Variants in USPL1 observed in about 807,000 individuals in gnomAD.
The protein encoded by USPL1 is SUMO-specific isopeptidase USPL1.
A neutral mutation model predicts 51.5 loss-of-function variants in USPL1; 27 were observed. That is an observed-to-expected ratio of 0.52 (90% CI 0.39 to 0.72). The LOEUF is 0.72. Ranked by LOEUF, USPL1 falls within the 30% of genes least tolerant of loss-of-function variation. The pLI is 0.00. For missense variants in USPL1, 1,226 were observed against 1,268.0 expected (o/e 0.97, Z 0.50); for synonymous variants, 451 against 459.6 (o/e 0.98, Z 0.24).
In USPL1 at chr13:30,645,625, C is replaced by T. The variant is rs142436119; in HGVS notation, c.1113-1307C>T. Among the ~76,000 whole-genome samples the T allele has an allele frequency of 2.0e-5, 3 of 152,180 alleles. No homozygotes were observed. In the East Asian group the frequency reaches 5.8e-4, roughly 29 times the overall value. The stretch of plus-strand genomic sequence containing the variant: ...TATGTCATAACTTAAAACTTATTTC[C>T]ACTTAATCTGAAGGAGAACTGTCCA... On this transcript the variant is annotated intron_variant, in intron 6 of 8. Transcript: ENST00000255304.
chr13:30,633,993 T>C (rs1339321813), intron 4 of USPL1, among the ~76,000 whole-genome samples: 3 of 152,268 alleles, frequency 2.0e-5, no homozygotes, highest in South Asian at 4.1e-4. Flanking sequence ...CGCAGTTTCA[T>C]GGATAAGAGA....
chr13:30,657,507 C>T lies in USPL1; in HGVS notation c.1430C>T (p.Pro477Leu). The T allele has an allele frequency of 6.2e-7, 1 of 1,608,698 alleles. No individual in the cohort carries two copies. Among genetic ancestry groups the T allele is most frequent in the Non-Finnish European group, 8.5e-7 (1 of 1,178,066 alleles). ...SWLECDDLKGPCSERHKKFEV... is the reference protein window; with the variant it reads ...SWLECDDLKGLCSERHKKFEV... ...CTGGAATGTGATGACTTAAAAGGCC[C>T]ATGTTCTGAAAGGCACAAGAAATTT... is the stretch of plus-strand genomic sequence containing the variant. The change falls in exon 9 of 9, where the codon CCA (proline) becomes CTA (leucine). Residue 477 changes from proline to leucine, a missense_variant. By Grantham distance (98) the Pro-to-Leu change is moderately conservative. Transcript: ENST00000255304.
In USPL1 at chr13:30,642,688, A is replaced by C; in HGVS notation, c.1043A>C (p.Glu348Ala). The C allele has an allele frequency of 6.2e-7, 1 of 1,613,976 alleles. No homozygotes were observed. Among genetic ancestry groups the C allele is most frequent in the Non-Finnish European group, 8.5e-7 (1 of 1,179,900 alleles). The change falls in exon 6 of 9, where the codon GAA becomes GCA. Residue 348 changes from glutamate to alanine, a missense_variant. Coordinates refer to ENST00000255304, the MANE Select transcript of USPL1 (RefSeq NM_005800.5). ...PLLLKLETHIEKLFLYSFSWD... is the reference protein window; with the variant it reads ...PLLLKLETHIAKLFLYSFSWD... ...CTCTTAAAACTAGAAACCCACATTG[A>C]AAAGCTCTTCCTATATTCTTTTTCT...
rs1466149384 is a variant in USPL1 at position 30,646,996 on chromosome 13, C to A, written c.1177C>A (p.His393Asn). The A allele has an allele frequency of 2.5e-6, 4 of 1,613,580 alleles. No homozygotes were observed. The highest frequency in any genetic ancestry group is 3.4e-6 in the Non-Finnish European group (4 of 1,179,756). The change falls in exon 7 of 9, where the codon CAT becomes AAT. Residue 393 changes from histidine (H) to asparagine (N), a missense_variant. By Grantham distance (68) the His-to-Asn change is moderately conservative (BLOSUM62 1). Coordinates refer to ENST00000255304, the MANE Select transcript of USPL1 (RefSeq NM_005800.5). Reference protein sequence around the residue: ...IPEWHPLNAAHFGPCNNCNSK... With the variant: ...IPEWHPLNAANFGPCNNCNSK... Reference sequence around the variant, plus strand: ...TGAGTGGCACCCACTTAATGCTGCCCATTTTGGTCCATGTAACAATTGCAA... The same window carrying A: ...TGAGTGGCACCCACTTAATGCTGCCAATTTTGGTCCATGTAACAATTGCAA...
chr13:30,641,844 A>G (rs1950951559), intron 5 of USPL1, among the ~76,000 whole-genome samples: 1 of 151,986 alleles, frequency 6.6e-6, no homozygotes, highest in Non-Finnish European at 1.5e-5. Flanking sequence ...GCCAATTCTG[A>G]TGTGTTTCTA....
intron 3 of USPL1, among the ~76,000 whole-genome samples, chr13:30,624,020 G>C (rs1314088962): frequency 4.6e-5 from 7 of 152,176 alleles, no homozygotes; most frequent in South Asian, 4.1e-4. Flanking sequence ...GCCCAAGAAG[G>C]GGGAGTGGGA....
intron 3 of USPL1, among the ~76,000 whole-genome samples, chr13:30,622,910 A>G (rs924506998): frequency 2.0e-5 from 3 of 150,802 alleles, no homozygotes; most frequent in African/African-American, 7.3e-5. Context: ...AATTTTTTTT[A>G]TGAGTGTCAC....
At chr13:30,647,607 A>C (rs74043526) in intron 7 of USPL1, among the ~76,000 whole-genome samples, 1 of 152,064 alleles carries the variant, frequency 6.6e-6, no homozygotes, top group Non-Finnish European at 1.5e-5. Context: ...ATTACCAGAG[A>C]ACCATCTGTT....
At chr13:30,643,000 C>T (rs567437785) in intron 6 of USPL1, among the ~76,000 whole-genome samples, 66 of 152,288 alleles carry the variant, frequency 4.3e-4, no homozygotes, top group Middle Eastern at 6.8e-3. Flanking sequence ...GAATACCTCT[C>T]AGAATGCCAT....
In USPL1 at chr13:30,659,244, C is replaced by T. The variant is rs148894312; in HGVS notation, c.3167C>T (p.Pro1056Leu). The change falls in exon 9 of 9, where the codon CCG becomes CTG. Residue 1056 changes from proline (P) to leucine (L), a missense_variant. Physicochemically the swap from Pro to Leu is moderately conservative, Grantham distance 98. Transcript: ENST00000255304. ...ACVRTLNLES[P>L]MKTDIFDEFF... ...GTTAGAACATTAAACTTGGAGAGTC[C>T]GATGAAGACTGATATTTTCGATGAG... 243 of 1,613,904 alleles carry T rather than the reference C, an allele frequency of 1.5e-4. No homozygotes were observed. The highest frequency in any genetic ancestry group is 1.1e-3 in the South Asian group (101 of 91,062).
chr13:30,650,274 T>C (rs1048141171), intron 7 of USPL1, among the ~76,000 whole-genome samples: 1 of 152,180 alleles, frequency 6.6e-6, no homozygotes, highest in Non-Finnish European at 1.5e-5. Flanking sequence ...TTTAAAAATA[T>C]GCCATTAAGA....
rs75814068 is a variant in USPL1 at position 30,650,623 on chromosome 13, G to A, written c.1239-2525G>A. ...AATGCTGCTTATTTAACTGTGTTCT[G>A]TCAATGTTAAGGTGTATCCCGACTT... On this transcript the variant is annotated intron_variant, in intron 7 of 8. Transcript: ENST00000255304. 9.6e-3 allele frequency among the ~76,000 whole-genome samples: 1,453 copies of A among 151,336 alleles called. 30 individuals carry two copies. Among genetic ancestry groups the A allele is most frequent in the African/African-American group, 0.034 (1,384 of 41,232 alleles).
chr13:30,621,155 G>C lies in USPL1; in HGVS notation c.15G>C (p.Pro5=), dbSNP rs750308362. The change falls in exon 2 of 9, where the codon CCG becomes CCC. Residue 5 remains proline (P), a synonymous_variant. Coordinates refer to ENST00000255304, the MANE Select transcript of USPL1 (RefSeq NM_005800.5). MMDS[P]KIGNGLPVIG... ...AATGACTCGGAATGATGGATTCTCC[G>C]AAGATTGGAAATGGTTTGCCAGTGA... The C allele has an allele frequency of 6.2e-7, 1 of 1,605,524 alleles. No homozygotes were observed. The highest frequency in any genetic ancestry group is 1.3e-5 in the African/African-American group (1 of 74,390).
At chr13:30,626,145 G>A (rs1950712297) in intron 3 of USPL1, among the ~76,000 whole-genome samples, 1 of 152,016 alleles carries the variant, frequency 6.6e-6, no homozygotes, top group African/African-American at 2.4e-5. Context: ...GTGAAAACCT[G>A]TCTCTACTAA....
intron 4 of USPL1, among the ~76,000 whole-genome samples, chr13:30,631,900 G>C (rs1307964896): frequency 6.6e-5 from 10 of 152,106 alleles, no homozygotes; most frequent in Admixed American, 5.9e-4. Context: ...AAGGAGCCCA[G>C]GAACAGTATC....
chr13:30,647,167 A>T, intron 7 of USPL1, 110 bp downstream of exon 7: 1 of 1,230,312 alleles, frequency 8.1e-7, no homozygotes, highest in Non-Finnish European at 1.1e-6. Flanking sequence ...CTGAAATTTG[A>T]GTTAACATAT....
intron 8 of USPL1, 60 bp downstream of exon 8, chr13:30,653,365 G>C: frequency 6.9e-7 from 1 of 1,445,180 alleles, no homozygotes; most frequent in Admixed American, 2.4e-5. Context: ...TCTAGCATGT[G>C]GGGACTTTTT....
rs745666005 is a variant in USPL1 at position 30,658,042 on chromosome 13, A to G, written c.1965A>G (p.Pro655=). The change falls in exon 9 of 9, where the codon CCA becomes CCG. Residue 655 remains proline, a synonymous_variant. Coordinates refer to ENST00000255304, the MANE Select transcript of USPL1 (RefSeq NM_005800.5). ...ACCAATTTGTGGACATAAGTTTTCCATCCCAAGTTGTAAATACAAACATGC... is the reference window on the plus strand; with the variant it reads ...ACCAATTTGTGGACATAAGTTTTCCGTCCCAAGTTGTAAATACAAACATGC... The part of the protein sequence containing the change: ...IQDQFVDISF[P]SQVVNTNMQS... The G allele has an allele frequency of 4.3e-6, 7 of 1,613,214 alleles. No homozygotes were observed. The highest frequency in any genetic ancestry group is 5.9e-6 in the Non-Finnish European group (7 of 1,179,930).
At position 30,633,349 on chromosome 13, in the gene USPL1, G is replaced by A. The variant is rs547882308; in HGVS notation, c.868+1875G>A. Among the ~76,000 whole-genome samples, 462 of 152,258 alleles carry A rather than the reference G, an allele frequency of 3.0e-3. 1 individual carries two copies. Among genetic ancestry groups the A allele is most frequent in the Middle Eastern group, 0.014 (4 of 294 alleles). On this transcript the variant is annotated intron_variant, in intron 4 of 8. Coordinates refer to ENST00000255304, the MANE Select transcript of USPL1 (RefSeq NM_005800.5). ...ATAAAATGTTTAGTTACTATCCAAG[G>A]TTTTAGGCATCCACTGGGGTCTTGG...
Sources: allele counts gnomAD v4.1 joint callset (sites outside exome capture counted in the v4.1 genomes callset), GRCh38; gene constraint gnomAD v4.1.1; transcripts MANE v1.5; gene names NCBI Gene and HGNC (gene_info 2026-07-23, HGNC 2026-07-21).